The following RNF185 variants were observed in gnomAD, a reference collection of about 807,000 sequenced individuals.
The protein encoded by RNF185 is E3 ubiquitin-protein ligase RNF185.
In RNF185, 13 loss-of-function variants were observed where a neutral mutation model predicts 24.9. That is an observed-to-expected ratio of 0.52 (90% CI 0.34 to 0.83). The LOEUF (loss-of-function observed/expected upper bound fraction) is 0.83. RNF185 is among the 40% of genes least tolerant of loss of function. The pLI is 0.01. For synonymous variants in RNF185, 79 were observed against 90.3 expected, an observed-to-expected ratio of 0.88 and a Z score of 0.71; for missense variants, 184 against 244.7, an observed-to-expected ratio of 0.75 and a Z score of 1.65.
At chr22:31,188,955 T>TAA (rs34561325) in intron 2 of RNF185, among the ~76,000 whole-genome samples, 45,781 of 117,602 alleles carry the variant, frequency 0.39, 9,913 homozygotes, top group Middle Eastern at 0.53. Context: ...CCGTTTCTAC[T>TAA]AAAAAAAAAA....
intron 1 of RNF185, among the ~76,000 whole-genome samples, chr22:31,167,640 C>T (rs1924011993): frequency 8.9e-6 from 1 of 112,478 alleles, no homozygotes; most frequent in Admixed American, 1.3e-4. Flanking sequence ...TTGAGACAGT[C>T]TCACTCCGTT....
intron 1 of RNF185, among the ~76,000 whole-genome samples, chr22:31,162,171 C>T (rs962457618): frequency 6.6e-6 from 1 of 152,078 alleles, no homozygotes; most frequent in South Asian, 2.1e-4. Flanking sequence ...ATATTATGAC[C>T]CAGTTCTGCT....
intron 1 of RNF185, among the ~76,000 whole-genome samples, chr22:31,185,068 T>C (rs567406952): frequency 1.2e-4 from 18 of 149,650 alleles, no homozygotes; most frequent in Admixed American, 3.3e-4. Context: ...GATAGTAATG[T>C]GGCCCTCAAA....
chr22:31,192,797 C>T, intron 3 of RNF185, 95 bp downstream of exon 3: 3 of 1,181,874 alleles, frequency 2.5e-6, no homozygotes, highest in Non-Finnish European at 1.3e-6. Flanking sequence ...CTGCAATCTG[C>T]CCTGCTTGTG....
At chr22:31,198,339 T>C (rs1367271488) in intron 5 of RNF185, among the ~76,000 whole-genome samples, 1 of 152,114 alleles carries the variant, frequency 6.6e-6, no homozygotes. Context: ...AAGGACCTTT[T>C]AGTTGTTTCC....
intron 6 of RNF185, among the ~76,000 whole-genome samples, chr22:31,201,901 C>G (rs913158466): frequency 6.6e-6 from 1 of 152,134 alleles, no homozygotes; most frequent in African/African-American, 2.4e-5. Flanking sequence ...TTTAACAGAT[C>G]AGAAAATGCT....
chr22:31,192,132 C>G (rs968016736), intron 2 of RNF185, among the ~76,000 whole-genome samples: 1 of 152,086 alleles, frequency 6.6e-6, no homozygotes, highest in Non-Finnish European at 1.5e-5. Context: ...AAGCTGCTTC[C>G]TGCTAGGAGA....
At chr22:31,169,535 C>T (rs968980283) in intron 1 of RNF185, among the ~76,000 whole-genome samples, 26 of 151,248 alleles carry the variant, frequency 1.7e-4, no homozygotes, top group African/African-American at 6.3e-4. Flanking sequence ...TTATCATACC[C>T]TACTTCTCTT....
intron 2 of RNF185, among the ~76,000 whole-genome samples, chr22:31,190,193 T>C (rs1002401996): frequency 6.6e-6 from 1 of 152,234 alleles, no homozygotes; most frequent in Non-Finnish European, 1.5e-5. Flanking sequence ...CATAAGATGA[T>C]GATGGACCTG....
intron 1 of RNF185, among the ~76,000 whole-genome samples, chr22:31,170,438 C>G (rs2047917522): frequency 6.6e-6 from 1 of 152,218 alleles, no homozygotes; most frequent in Non-Finnish European, 1.5e-5. Flanking sequence ...ATCCACCCGC[C>G]TTGGCCTCCC....
At chr22:31,172,030 T>G (rs1568960570) in intron 1 of RNF185, among the ~76,000 whole-genome samples, 1 of 152,244 alleles carries the variant, frequency 6.6e-6, no homozygotes, top group Non-Finnish European at 1.5e-5. Context: ...TATTAAAATT[T>G]AAAAAGTTTT....
At chr22:31,168,655 G>T (rs1011577930) in intron 1 of RNF185, among the ~76,000 whole-genome samples, 2 of 152,154 alleles carry the variant, frequency 1.3e-5, no homozygotes, top group African/African-American at 4.8e-5. Context: ...GTTTTCCACA[G>T]CAGCTGTACC....
rs1052018490 is a variant in RNF185, at chr22:31,160,259, C to T, written c.-93C>T. Reference sequence around the variant, plus strand: ...CGCGGCGTTAGTATTGGCCGTGTACCCGAAAAACTGATTGACTGGGCTGGC... The same window carrying T: ...CGCGGCGTTAGTATTGGCCGTGTACTCGAAAAACTGATTGACTGGGCTGGC... On this transcript the variant is annotated 5_prime_UTR_variant, in exon 1 of 7. Transcript: ENST00000326132. The T allele has an allele frequency of 7.9e-5, 12 of 152,318 alleles. No homozygotes were observed. The highest frequency in any genetic ancestry group is 2.9e-4 in the African/African-American group (12 of 41,376). 9.4% of individuals were successfully genotyped at this position (152,318 alleles called of 1,614,324 possible). A position where few individuals can be genotyped will look rare whatever the true frequency, so the allele number is the denominator to read the frequency against.
Position 31,166,148 on chromosome 22 carries a change from G to A in RNF185, c.-49+5845G>A, listed in dbSNP as rs141077146. Among the ~76,000 whole-genome samples, 244 of 152,168 alleles carry A rather than the reference G, an allele frequency of 1.6e-3. 1 individual carries two copies. The highest frequency in any genetic ancestry group is 5.4e-3 in the South Asian group (26 of 4,814). Reference sequence around the variant, plus strand: ...TAGAATTACAGGCAAGTGCCACCATGCCCGACTAATTTTTGTATTTTTAGT... The same window carrying A: ...TAGAATTACAGGCAAGTGCCACCATACCCGACTAATTTTTGTATTTTTAGT... On this transcript the variant is annotated intron_variant, in intron 1 of 6. Coordinates refer to ENST00000326132, the MANE Select transcript of RNF185 (RefSeq NM_152267.4).
intron 1 of RNF185, among the ~76,000 whole-genome samples, chr22:31,183,762 G>A (rs1209247906): frequency 6.6e-6 from 1 of 152,188 alleles, no homozygotes; most frequent in African/African-American, 2.4e-5. Context: ...AGAACAAAAT[G>A]GAGTCTGCTA....
At chr22:31,204,357 G>T in intron 6 of RNF185, 132 bp from the exon 7 acceptor site, 11 of 570,202 alleles carry the variant, frequency 1.9e-5, no homozygotes, top group East Asian at 1.0e-4. Flanking sequence ...AAAAAAAAAA[G>T]AAATCTTTTT....
Position 31,171,156 on chromosome 22 carries a change from C to CTTACTTAT in RNF185, c.-49+10856_-49+10857insCTTATTTA, listed in dbSNP as rs149267234. Among the ~76,000 whole-genome samples, 32 of 143,232 alleles carry CTTACTTAT rather than the reference C, an allele frequency of 2.2e-4. No homozygotes were observed. In the East Asian group the frequency reaches 4.4e-3, roughly 20 times the overall value. The allele number at this position is 143,232 out of a possible 152,430, so 94.0% of individuals were successfully genotyped here. A position where few individuals can be genotyped will look rare whatever the true frequency, so the allele number is the denominator to read the frequency against. Reference sequence around the variant, plus strand: ...AGGAACCAGGACCTTCTCTGATTTACTTATTTATTTATTTATTTATTTATT... The same window carrying CTTACTTAT: ...AGGAACCAGGACCTTCTCTGATTTACTTACTTATTTATTTATTTATTTATTTATTTATT... On this transcript the variant is annotated intron_variant, in intron 1 of 6. Transcript: ENST00000326132.
intron 1 of RNF185, 114 bp from the exon 2 acceptor site, chr22:31,186,933 C>A: frequency 1.3e-6 from 1 of 774,168 alleles, no homozygotes; most frequent in Non-Finnish European, 2.1e-6. Context: ...GGGAAGTCTG[C>A]TCAGGGATTC....
At chr22:31,175,778 A>T (rs2047976881) in intron 1 of RNF185, among the ~76,000 whole-genome samples, 1 of 152,152 alleles carries the variant, frequency 6.6e-6, no homozygotes, top group African/African-American at 2.4e-5. Flanking sequence ...GTTACTTATT[A>T]AAAAAATAAA....
Sources: allele counts gnomAD v4.1 joint callset (sites outside exome capture counted in the v4.1 genomes callset), GRCh38; gene constraint gnomAD v4.1.1; transcripts MANE v1.5; gene names NCBI Gene and HGNC (gene_info 2026-07-23, HGNC 2026-07-21).